The following SMCHD1 variants were observed in gnomAD, a reference collection of about 807,000 sequenced individuals.
SMCHD1 encodes structural maintenance of chromosomes flexible hinge domain-containing protein 1.
A neutral mutation model predicts 254.7 loss-of-function variants in SMCHD1; 78 were observed. The ratio of observed to expected loss-of-function variants is 0.31; its 90% CI spans 0.26 to 0.37. The LOEUF is 0.37. SMCHD1 is among the 10% of genes least tolerant of loss of function. The probability of loss-of-function intolerance (pLI) is 1.00; values close to 1 mark genes in which losing one functional copy is unlikely to be tolerated. For missense variants in SMCHD1, 1,840 were observed against 2,408.1 expected, an observed-to-expected ratio of 0.76 and a Z score of 4.94; for synonymous variants, 766 against 794.9, an observed-to-expected ratio of 0.96 and a Z score of 0.61.
intron 5 of SMCHD1, among the ~76,000 whole-genome samples, chr18:2,676,345 A>T (rs1224006947): frequency 1.3e-5 from 2 of 152,240 alleles, no homozygotes; most frequent in Non-Finnish European, 2.9e-5. Flanking sequence ...AATAGAGCTG[A>T]TGCACATCTC....
chr18:2,689,187 C>T (rs191183048), intron 7 of SMCHD1, among the ~76,000 whole-genome samples: 1 of 150,044 alleles, frequency 6.7e-6, no homozygotes, highest in East Asian at 1.9e-4. Context: ...TATATTCCTT[C>T]AACTCTTCTT....
intron 17 of SMCHD1, among the ~76,000 whole-genome samples, chr18:2,711,295 T>C (rs1236196825): frequency 6.6e-6 from 1 of 150,820 alleles, no homozygotes; most frequent in Non-Finnish European, 1.5e-5. Flanking sequence ...AGACAGGGTC[T>C]CCTATGCTGC....
intron 44 of SMCHD1, among the ~76,000 whole-genome samples, chr18:2,783,424 A>G (rs1402971582): frequency 6.6e-6 from 1 of 152,150 alleles, no homozygotes; most frequent in Non-Finnish European, 1.5e-5. Context: ...AGTAGTAAAA[A>G]TATCTTATTT....
intron 37 of SMCHD1, 58 bp downstream of exon 37, chr18:2,763,847 C>T (rs2075825773): frequency 2.1e-6 from 3 of 1,451,122 alleles, no homozygotes; most frequent in Non-Finnish European, 2.8e-6. Context: ...TTTTAACCAC[C>T]ATATTAAGAC....
rs759665167 is a variant in SMCHD1 at position 2,770,063 on chromosome 18, A to G, written c.4921A>G (p.Lys1641Glu). 6.2e-7 allele frequency: 1 copy of G among 1,603,226 alleles called. No individual in the cohort carries two copies. The highest frequency in any genetic ancestry group is 8.5e-7 in the Non-Finnish European group (1 of 1,177,434). Reference protein sequence around the residue: ...DQLSQSIVMYKSLFEASQQLL... With the variant: ...DQLSQSIVMYESLFEASQQLL... ...ATTATCTCAGTCTATTGTTATGTAT[A>G]AAAGTTTATTTGAAGCCAGCCAACA... is the stretch of plus-strand genomic sequence containing the variant. The change falls in exon 39 of 48, where the codon AAA becomes GAA. Residue 1641 changes from lysine to glutamate, a missense_variant. By Grantham distance (56) the Lys-to-Glu change is moderately conservative. Around this residue, in one of 9 missense-constraint regions of SMCHD1, gnomAD observed 881 missense variants for 1,009.5 expected, o/e 0.87. Transcript: ENST00000320876.
rs574754566 is a variant in SMCHD1 at position 2,675,755 on chromosome 18, C to G, written c.638+1610C>G. Among the ~76,000 whole-genome samples the G allele has an allele frequency of 1.1e-4, 17 of 152,266 alleles. No homozygotes were observed. In the South Asian group the frequency reaches 3.3e-3, roughly 30 times the overall value. ...AGATTAGGCAAAATGGTCAGAAAAACATCAGTTATATCAACTGGAAGAGTA... is the reference window on the plus strand; with the variant it reads ...AGATTAGGCAAAATGGTCAGAAAAAGATCAGTTATATCAACTGGAAGAGTA... On this transcript the variant is annotated intron_variant, in intron 5 of 47. Transcript: ENST00000320876.
At position 2,688,415 on chromosome 18, in the gene SMCHD1, T is replaced by G; in HGVS notation, c.660T>G (p.Arg220=). The part of the protein sequence containing the change: ...DFESDHSGYV[R]PVPVPRSLNS... ...TTAGTGATCATTCAGGATATGTTCG[T>G]CCAGTACCAGTGCCACGCAGTTTAA... is the stretch of plus-strand genomic sequence containing the variant. Residue 220 remains arginine (R), a synonymous_variant, in exon 6 of 48, where the codon CGT becomes CGG. Transcript: ENST00000320876. The G allele has an allele frequency of 6.2e-7, 1 of 1,613,256 alleles. No homozygotes were observed. Among genetic ancestry groups the G allele is most frequent in the Non-Finnish European group, 8.5e-7 (1 of 1,179,212 alleles).
intron 44 of SMCHD1, among the ~76,000 whole-genome samples, chr18:2,781,448 A>T (rs896307693): frequency 2.2e-4 from 34 of 152,206 alleles, no homozygotes; most frequent in African/African-American, 8.2e-4. Flanking sequence ...ATTGAAGCAA[A>T]TAAATGTTTT....
At chr18:2,707,771 G>A (rs1598345773) in intron 16 of SMCHD1, 36 bp from the exon 17 acceptor site, 2 of 1,546,916 alleles carry the variant, frequency 1.3e-6, no homozygotes, top group Non-Finnish European at 1.8e-6. Context: ...CAAATTTTTG[G>A]GTGTAATTAA....
chr18:2,659,058 A>G (rs1393655879), intron 1 of SMCHD1, among the ~76,000 whole-genome samples: 3 of 152,164 alleles, frequency 2.0e-5, no homozygotes, highest in African/African-American at 7.2e-5. Context: ...TAAAATGTAA[A>G]TTAAACCAAT....
intron 1 of SMCHD1, among the ~76,000 whole-genome samples, chr18:2,657,598 C>G (rs2073110247): frequency 1.3e-5 from 2 of 152,280 alleles, no homozygotes; most frequent in South Asian, 4.1e-4. Flanking sequence ...TATGACTACT[C>G]TTAGCACCTG....
chr18:2,729,408 C>A lies in SMCHD1; in HGVS notation c.3047C>A (p.Pro1016His), dbSNP rs528154864. The part of the protein sequence containing the change: ...DQTLKARIEI[P>H]SCKDVAPVEK... ...ACGCTTAAAGCAAGAATTGAAATAC[C>A]TGTAAGTTATTATTGTTACTCATTG... Residue 1016 changes from proline to histidine, a missense_variant and splice_region_variant, in exon 24 of 48, where the codon CCT (proline) becomes CAT (histidine). Physicochemically the swap from Pro to His is moderately conservative, Grantham distance 77 (BLOSUM62 -2). Coordinates refer to ENST00000320876, the MANE Select transcript of SMCHD1 (RefSeq NM_015295.3). The A allele has an allele frequency of 2.6e-6, 4 of 1,511,886 alleles. No individual in the cohort carries two copies. Among genetic ancestry groups the A allele is most frequent in the South Asian group, 2.6e-5 (2 of 77,448 alleles). The allele number at this position is 1,511,886 out of a possible 1,614,324, so 93.7% of individuals were successfully genotyped here. A position where few individuals can be genotyped will look rare whatever the true frequency, so the allele number is the denominator to read the frequency against.
chr18:2,796,016 A>G lies in SMCHD1; in HGVS notation c.5787A>G (p.Gln1929=), dbSNP rs369084979. The G allele has an allele frequency of 4.4e-5, 71 of 1,596,922 alleles. No individual in the cohort carries two copies. In the African/African-American group the frequency reaches 8.0e-4, roughly 18 times the overall value. The change falls in exon 46 of 48, where the codon CAA becomes CAG. Residue 1929 remains glutamine, a synonymous_variant. Transcript: ENST00000320876. ...LDSVNKDLNS[Q]LEYLRTPDMR... ...GTGTGAATAAGGATCTTAACAGTCAATTAGAGTACCTTCGCACTCCGGATA... is the reference window on the plus strand; with the variant it reads ...GTGTGAATAAGGATCTTAACAGTCAGTTAGAGTACCTTCGCACTCCGGATA...
intron 10 of SMCHD1, among the ~76,000 whole-genome samples, chr18:2,698,255 T>A (rs1331039568): frequency 6.6e-6 from 1 of 151,218 alleles, no homozygotes; most frequent in African/African-American, 2.5e-5. Flanking sequence ...AATGAACTCT[T>A]CTTTTAGTTC....
chr18:2,678,092 G>A (rs1415822884), intron 5 of SMCHD1, among the ~76,000 whole-genome samples: 4 of 152,114 alleles, frequency 2.6e-5, no homozygotes, highest in African/African-American at 9.7e-5. Flanking sequence ...TCGTATAAAT[G>A]TGATCGTTAT....
intron 45 of SMCHD1, 67 bp from the exon 46 acceptor site, chr18:2,795,882 T>C: frequency 7.1e-7 from 1 of 1,404,092 alleles, no homozygotes; most frequent in African/African-American, 1.5e-5. Context: ...TTGCTCATTT[T>C]TTCCCCTAAA....
At chr18:2,721,686 A>G (rs1422172598) in intron 19 of SMCHD1, among the ~76,000 whole-genome samples, 1 of 152,238 alleles carries the variant, frequency 6.6e-6, no homozygotes, top group African/African-American at 2.4e-5. Flanking sequence ...AATTGACTGC[A>G]TGCTCATTCC....
At chr18:2,717,921 T>C (rs1396852561) in intron 17 of SMCHD1, among the ~76,000 whole-genome samples, 2 of 151,440 alleles carry the variant, frequency 1.3e-5, no homozygotes, top group Non-Finnish European at 2.9e-5. Context: ...CTTTAAATAG[T>C]AATTTTAAAT....
rs140650738 is a variant in SMCHD1 at position 2,802,559 on chromosome 18, A to G, written c.*7A>G. The G allele has an allele frequency of 7.5e-4, 1,158 of 1,552,540 alleles. 8 individuals carry two copies. In the African/African-American group the frequency reaches 0.015, roughly 20 times the overall value. ...AACCAAAACAGATGTATGAGAGGTG[A>G]CAGAGAGAAGAGGCCATTGGTCTCA... On this transcript the variant is annotated 3_prime_UTR_variant, in exon 48 of 48. Coordinates refer to ENST00000320876, the MANE Select transcript of SMCHD1 (RefSeq NM_015295.3).
Sources: allele counts gnomAD v4.1 joint callset (sites outside exome capture counted in the v4.1 genomes callset), GRCh38; gene constraint gnomAD v4.1.1; regional missense constraint gnomAD v4.1.1; transcripts MANE v1.5; gene names NCBI Gene and HGNC (gene_info 2026-07-23, HGNC 2026-07-21).